Variants in MYO18B observed in about 807,000 individuals in gnomAD.
MYO18B encodes unconventional myosin-XVIIIb.
In MYO18B, 204 loss-of-function variants were observed where a neutral mutation model predicts 273.0. That is an observed-to-expected ratio of 0.75 (90% CI 0.67 to 0.84). The LOEUF (loss-of-function observed/expected upper bound fraction) is 0.84. MYO18B is among the 40% of genes least tolerant of loss of function. MYO18B has a pLI of 0.00. For missense variants in MYO18B, 3,212 were observed against 3,287.6 expected (o/e 0.98, Z 0.56); for synonymous variants, 1,330 against 1,305.7 (o/e 1.02, Z -0.40).
In MYO18B at chr22:25,903,708, AC is replaced by A. The variant is rs1165978632; in HGVS notation, c.5028del (p.Ser1677LeufsTer10). 1 of 1,608,480 alleles carries A rather than the reference AC, an allele frequency of 6.2e-7. No individual in the cohort carries two copies. The highest frequency in any genetic ancestry group is 1.1e-5 in the South Asian group (1 of 89,624). ...QDHKRELLGSPSLGENCVAGL... is the reference protein window; with the variant it reads ...QDHKRELLGSXSLGENCVAGL... ...ACCATAAACGGGAGCTGCTGGGGTC[AC>A]CCTCTCTGGGGGAAAATTGCGTTGC... is the stretch of plus-strand genomic sequence containing the variant. On this transcript the variant is annotated frameshift_variant, in exon 31 of 44. Transcript: ENST00000335473. LOFTEE classifies it high-confidence loss of function.
chr22:25,840,440 C>T (rs1482828078), intron 17 of MYO18B, among the ~76,000 whole-genome samples: 1 of 152,210 alleles, frequency 6.6e-6, no homozygotes, highest in Non-Finnish European at 1.5e-5. Flanking sequence ...GATCCTGGCT[C>T]CCTCCCTGGT....
At chr22:26,052,042 C>A in the MYO18B span, among the ~76,000 whole-genome samples, 4 of 152,310 alleles carry the variant, frequency 2.6e-5, no homozygotes, top group Admixed American at 6.5e-5. Context: ...CTTGCATATG[C>A]ATCTTTGGAT....
chr22:25,933,316 G>C (rs1303497327), intron 34 of MYO18B, among the ~76,000 whole-genome samples: 17 of 152,110 alleles, frequency 1.1e-4, no homozygotes, highest in Admixed American at 1.1e-3. Context: ...GAGTAATCCT[G>C]GGGAAGATAA....
intron 20 of MYO18B, among the ~76,000 whole-genome samples, chr22:25,849,490 T>C (rs2146035355): frequency 6.6e-6 from 1 of 152,316 alleles, no homozygotes; most frequent in African/African-American, 2.4e-5. Context: ...TATATGCATA[T>C]ATACACATGC....
intron 34 of MYO18B, among the ~76,000 whole-genome samples, chr22:25,936,713 G>C (rs1399815263): frequency 1.3e-5 from 2 of 152,210 alleles, no homozygotes; most frequent in Non-Finnish European, 2.9e-5. Flanking sequence ...GGAAGTCTGA[G>C]ATCAGGGTAC....
chr22:25,744,460 G>A (rs774773361), intron 1 of MYO18B, among the ~76,000 whole-genome samples: 7 of 152,300 alleles, frequency 4.6e-5, no homozygotes, highest in Non-Finnish European at 1.0e-4. Context: ...GGCCGGGCGC[G>A]GGGGCTCACG....
chr22:25,884,757 T>G (rs2091447900), intron 25 of MYO18B: 1 of 152,210 alleles, frequency 6.6e-6, no homozygotes, highest in Admixed American at 6.5e-5. Context: ...CGAGCCAGCT[T>G]GAGTTCCAGA....
intron 30 of MYO18B, chr22:25,903,298 C>T (rs369811037): frequency 3.3e-5 from 9 of 270,132 alleles, no homozygotes; most frequent in Non-Finnish European, 5.6e-5. Flanking sequence ...CAGCCTCAGA[C>T]GGCACACAGG....
At chr22:25,811,178 T>C (rs1262823854) in intron 12 of MYO18B, among the ~76,000 whole-genome samples, 1 of 147,182 alleles carries the variant, frequency 6.8e-6, no homozygotes, top group Non-Finnish European at 1.5e-5. Context: ...TGTGCCCGGC[T>C]ATTTTTTTTT....
intron 34 of MYO18B, among the ~76,000 whole-genome samples, chr22:25,935,149 A>G (rs1172525454): frequency 1.3e-5 from 2 of 152,158 alleles, no homozygotes; most frequent in Non-Finnish European, 2.9e-5. Flanking sequence ...GGTACAGGAA[A>G]AGTGAGTTCA....
At chr22:25,856,339 C>G (rs987044005) in intron 21 of MYO18B, among the ~76,000 whole-genome samples, 1 of 152,130 alleles carries the variant, frequency 6.6e-6, no homozygotes, top group Non-Finnish European at 1.5e-5. Context: ...GAATAGAAGC[C>G]CTCTGAGGGC....
At chr22:25,807,800 A>T (rs549995265) in intron 12 of MYO18B, among the ~76,000 whole-genome samples, 1 of 151,990 alleles carries the variant, frequency 6.6e-6, no homozygotes, top group African/African-American at 2.4e-5. Flanking sequence ...GACGTATAGG[A>T]TGGGAGCTAT....
chr22:26,059,214 C>G, the MYO18B span, among the ~76,000 whole-genome samples: 18 of 152,190 alleles, frequency 1.2e-4, no homozygotes, highest in Non-Finnish European at 2.6e-4. Context: ...TCCAGCCAAA[C>G]AAGTCTATGT....
At chr22:25,855,523 G>A (rs946551082) in intron 21 of MYO18B, among the ~76,000 whole-genome samples, 5 of 152,142 alleles carry the variant, frequency 3.3e-5, no homozygotes, top group African/African-American at 7.2e-5. Flanking sequence ...CTCGTGATCC[G>A]CCCACCTCGG....
At chr22:25,760,052 T>C (rs1406336692) in intron 1 of MYO18B, among the ~76,000 whole-genome samples, 1 of 152,158 alleles carries the variant, frequency 6.6e-6, no homozygotes, top group East Asian at 1.9e-4. Flanking sequence ...CCTTACCTCA[T>C]CTTCCAACTA....
chr22:26,012,852 G>A (rs991964090), intron 42 of MYO18B, among the ~76,000 whole-genome samples: 3 of 152,118 alleles, frequency 2.0e-5, no homozygotes, highest in African/African-American at 7.2e-5. Flanking sequence ...TATATATACA[G>A]GAAAGTGGAT....
chr22:25,821,840 A>G (rs2089293700), intron 12 of MYO18B, among the ~76,000 whole-genome samples: 1 of 152,234 alleles, frequency 6.6e-6, no homozygotes, highest in South Asian at 2.1e-4. Flanking sequence ...TATGGATTAA[A>G]AAAGTAGTGC....
chr22:25,921,773 T>A (rs2092349135), intron 34 of MYO18B, among the ~76,000 whole-genome samples: 1 of 149,134 alleles, frequency 6.7e-6, no homozygotes, highest in South Asian at 2.1e-4. Context: ...TATGCGTGTG[T>A]GTGTGGTGAC....
rs2086270937 is a variant in MYO18B at position 25,760,431 on chromosome 22, A to AC, written c.-109-553_-109-552insC. ...CATCTCAAAAAAAAAAAAAAAAAAA[A>AC]AAACACAAAAACAAATAATAGTGGT... On this transcript the variant is annotated intron_variant, in intron 1 of 43. Transcript: ENST00000335473. Among the ~76,000 whole-genome samples, 3 of 149,996 alleles carry AC rather than the reference A, an allele frequency of 2.0e-5. No homozygotes were observed. The East Asian group carries it at 5.9e-4, about 30-fold the overall frequency.
Sources: gnomAD v4.1 joint callset for allele counts (sites outside exome capture counted in the v4.1 genomes callset) on GRCh38, gnomAD v4.1.1 for gene constraint, MANE v1.5 for transcripts, NCBI Gene and HGNC (gene_info 2026-07-23, HGNC 2026-07-21) for gene names.